The following NR6A1 variants were observed in gnomAD, a reference collection of about 807,000 sequenced individuals.
NR6A1 encodes the protein nuclear receptor subfamily 6 group A member 1.
Under a neutral mutation model 59.1 loss-of-function variants are expected in NR6A1, and 7 were observed. That is an observed-to-expected ratio of 0.12 (90% CI 0.07 to 0.22). The LOEUF (loss-of-function observed/expected upper bound fraction) is 0.22. NR6A1 is among the 10% of genes least tolerant of loss of function. NR6A1 has a pLI of 1.00. For missense variants in NR6A1, 468 were observed against 611.6 expected, an observed-to-expected ratio of 0.77 and a Z score of 2.48; for synonymous variants, 243 against 236.1, an observed-to-expected ratio of 1.03 and a Z score of -0.27.
At chr9:124,745,987 C>CAAAAAAAAAA (rs755252377) in intron 1 of NR6A1, among the ~76,000 whole-genome samples, 5 of 58,404 alleles carry the variant, frequency 8.6e-5, no homozygotes, top group African/African-American at 2.8e-4. Context: ...GACTCTGTCT[C>CAAAAAAAAAA]AAAAAAAAAA....
At chr9:124,736,401 G>A (rs1355618344) in intron 1 of NR6A1, among the ~76,000 whole-genome samples, 2 of 152,152 alleles carry the variant, frequency 1.3e-5, no homozygotes, top group African/African-American at 2.4e-5. Flanking sequence ...GCTTTTATCT[G>A]CCTAGCAACC....
intron 2 of NR6A1, among the ~76,000 whole-genome samples, chr9:124,611,802 A>AGAGAGGG (rs1835759512): frequency 6.6e-6 from 1 of 151,632 alleles, no homozygotes; most frequent in African/African-American, 2.4e-5. Flanking sequence ...AATGAGAGAG[A>AGAGAGGG]ATTCAGCATT....
chr9:124,577,178 C>CA (rs1834627050), intron 2 of NR6A1, among the ~76,000 whole-genome samples: 1 of 152,136 alleles, frequency 6.6e-6, no homozygotes, highest in Non-Finnish European at 1.5e-5. Flanking sequence ...ATTTATAGGC[C>CA]TCTATTAGAG....
intron 2 of NR6A1, among the ~76,000 whole-genome samples, chr9:124,660,995 G>A (rs1235963179): frequency 1.3e-5 from 2 of 152,108 alleles, no homozygotes; most frequent in African/African-American, 4.8e-5. Context: ...ATCAAAACTC[G>A]AGGGACATTA....
chr9:124,567,033 G>A (rs1401958007), intron 2 of NR6A1, among the ~76,000 whole-genome samples: 2 of 151,214 alleles, frequency 1.3e-5, no homozygotes, highest in Non-Finnish European at 3.0e-5. Flanking sequence ...GCGTGAACCC[G>A]GGAGGCGGAG....
At chr9:124,723,844 A>T (rs965402147) in intron 2 of NR6A1, among the ~76,000 whole-genome samples, 3 of 152,208 alleles carry the variant, frequency 2.0e-5, no homozygotes, top group Non-Finnish European at 2.9e-5. Context: ...TTTAACCAAG[A>T]TTACAGTGAA....
At chr9:124,612,861 C>A (rs906333456) in intron 2 of NR6A1, among the ~76,000 whole-genome samples, 9 of 150,818 alleles carry the variant, frequency 6.0e-5, no homozygotes, top group African/African-American at 2.2e-4. Context: ...AACCATTATA[C>A]AAATTGGTAC....
At chr9:124,528,823 AT>A (rs1194127822) in intron 7 of NR6A1, among the ~76,000 whole-genome samples, 1 of 152,236 alleles carries the variant, frequency 6.6e-6, no homozygotes, top group Non-Finnish European at 1.5e-5. Flanking sequence ...TTTACATGGC[AT>A]TTACATCACT....
intron 2 of NR6A1, among the ~76,000 whole-genome samples, chr9:124,594,803 C>T (rs894185601): frequency 4.6e-5 from 7 of 152,134 alleles, no homozygotes; most frequent in African/African-American, 1.7e-4. Context: ...GTTTGTGCAT[C>T]CCCAGAGTGA....
chr9:124,710,254 G>C (rs1252706685), intron 2 of NR6A1, among the ~76,000 whole-genome samples: 1 of 151,966 alleles, frequency 6.6e-6, no homozygotes, highest in Non-Finnish European at 1.5e-5. Context: ...TCCATTCAAC[G>C]TAACAGAAAA....
At chr9:124,599,593 G>A in intron 2 of NR6A1, 1 of 1,162,538 alleles carries the variant, frequency 8.6e-7, no homozygotes, top group Non-Finnish European at 1.1e-6. Flanking sequence ...GGGCGCGGCG[G>A]CGGCGGCCGC....
At chr9:124,617,479 G>A (rs895836142) in intron 2 of NR6A1, among the ~76,000 whole-genome samples, 2 of 152,190 alleles carry the variant, frequency 1.3e-5, no homozygotes, top group Non-Finnish European at 2.9e-5. Flanking sequence ...TACAAATAAT[G>A]CTACAGGGAA....
intron 2 of NR6A1, among the ~76,000 whole-genome samples, chr9:124,564,352 C>T (rs185284107): frequency 3.3e-5 from 5 of 152,224 alleles, no homozygotes; most frequent in Admixed American, 2.6e-4. Context: ...CTTTATTCAA[C>T]ACTGTAGGGA....
intron 2 of NR6A1, among the ~76,000 whole-genome samples, chr9:124,710,111 G>GT (rs1486450464): frequency 6.6e-6 from 1 of 152,034 alleles, no homozygotes; most frequent in Non-Finnish European, 1.5e-5. Flanking sequence ...TTAGGGCTTG[G>GT]TTTTTTACTG....
At chr9:124,691,683 A>T (rs561621314) in intron 2 of NR6A1, among the ~76,000 whole-genome samples, 1 of 152,218 alleles carries the variant, frequency 6.6e-6, no homozygotes, top group African/African-American at 2.4e-5. Flanking sequence ...GCTTTACATT[A>T]GGTGGTGGGT....
chr9:124,722,724 A>C (rs1839598580), intron 2 of NR6A1, among the ~76,000 whole-genome samples: 1 of 152,140 alleles, frequency 6.6e-6, no homozygotes, highest in Admixed American at 6.6e-5. Flanking sequence ...AATTTAATTT[A>C]CGTTTTTTCT....
At chr9:124,724,535 A>G (rs769126444) in intron 2 of NR6A1, among the ~76,000 whole-genome samples, 1 of 139,134 alleles carries the variant, frequency 7.2e-6, no homozygotes, top group South Asian at 2.3e-4. Context: ...AGCACATACC[A>G]AAAAAAAAAA....
chr9:124,698,299 A>C (rs1283683112), intron 2 of NR6A1: 1 of 152,220 alleles, frequency 6.6e-6, no homozygotes, highest in East Asian at 1.9e-4. Flanking sequence ...GAAAAAGGAA[A>C]AACAAAGATT....
rs144286912 is a variant in NR6A1, at chr9:124,594,727, G to A, written c.143-40157C>T. Among the ~76,000 whole-genome samples, 95 of 152,258 alleles carry A rather than the reference G, an allele frequency of 6.2e-4. 1 individual carries two copies. The highest frequency in any genetic ancestry group is 3.4e-3 in the Middle Eastern group (1 of 294). On this transcript the variant is annotated intron_variant, in intron 2 of 9. Transcript: ENST00000487099. The stretch of plus-strand genomic sequence containing the variant: ...TAAGGTGCTGGGGTACAACATATAA[G>A]GGAGGAATGAAGCCAAGGTTACTAA...
Sources: allele counts gnomAD v4.1 joint callset (sites outside exome capture counted in the v4.1 genomes callset), GRCh38; gene constraint gnomAD v4.1.1; transcripts MANE v1.5; gene names NCBI Gene and HGNC (gene_info 2026-07-23, HGNC 2026-07-21).